The following NPFFR1 variants were observed in gnomAD, a reference collection of about 807,000 sequenced individuals.
NPFFR1 encodes neuropeptide FF receptor 1, also known as G-protein coupled receptor 147.
NPFFR1 carries 17 observed loss-of-function variants against 12.7 expected under a neutral mutation model. The ratio of observed to expected loss-of-function variants is 1.34; its 90% CI spans 0.92 to 2.01. NPFFR1 has a LOEUF of 2.01. NPFFR1 is among the 30% of genes most tolerant of loss of function. NPFFR1 has a pLI of 0.00. For missense variants in NPFFR1, 604 were observed against 606.5 expected, an observed-to-expected ratio of 1.00 and a Z score of 0.04; for synonymous variants, 296 against 264.5, an observed-to-expected ratio of 1.12 and a Z score of -1.16.
chr10:70,277,658 C>T (rs1358663230), intron 1 of NPFFR1, among the ~76,000 whole-genome samples: 1 of 152,200 alleles, frequency 6.6e-6, no homozygotes, highest in East Asian at 1.9e-4. Flanking sequence ...GTATATCCTC[C>T]CAGCCTTTGG....
chr10:70,272,214 A>AAGAGAGAG (rs879583314), intron 1 of NPFFR1, among the ~76,000 whole-genome samples: 1 of 9,122 alleles, frequency 1.1e-4, no homozygotes, highest in Non-Finnish European at 1.9e-4. Flanking sequence ...AAAGAAAGGA[A>AAGAGAGAG]AGAAAGAAAG....
chr10:70,260,549 C>T (rs1438759325), intron 3 of NPFFR1, 91 bp downstream of exon 3: 39 of 1,160,088 alleles, frequency 3.4e-5, no homozygotes, highest in Non-Finnish European at 4.7e-5. Context: ...GCAGCCCCAG[C>T]CTTCCAGCCA....
intron 1 of NPFFR1, among the ~76,000 whole-genome samples, chr10:70,282,255 A>C (rs1339835945): frequency 6.6e-6 from 1 of 152,074 alleles, no homozygotes; most frequent in Non-Finnish European, 1.5e-5. Context: ...TTTGAAGTAA[A>C]ATTGCCTGTA....
In NPFFR1 at chr10:70,252,004, G is replaced by T. The variant is rs2085079301; in HGVS notation, c.*2953C>A. ...TTGTCAGCCATAAAGGGTAAGTTGGGAGAGACCCTGGTTCCCAACCTGGGG... is the reference window on the plus strand; with the variant it reads ...TTGTCAGCCATAAAGGGTAAGTTGGTAGAGACCCTGGTTCCCAACCTGGGG... On this transcript the variant is annotated 3_prime_UTR_variant, in exon 4 of 4. Coordinates refer to ENST00000277942, the MANE Select transcript of NPFFR1 (RefSeq NM_022146.5). 2 of 152,158 alleles carry T rather than the reference G, an allele frequency of 1.3e-5. No individual in the cohort carries two copies. The highest frequency in any genetic ancestry group is 6.5e-5 in the Admixed American group (1 of 15,274). 9.4% of individuals were successfully genotyped at this position (152,158 alleles called of 1,614,324 possible).
Position 70,255,369 on chromosome 10 carries a change from T to C in NPFFR1, c.881A>G (p.Asp294Gly), listed in dbSNP as rs1218113633. The C allele has an allele frequency of 1.3e-6, 2 of 1,555,174 alleles. No homozygotes were observed. Among genetic ancestry groups the C allele is most frequent in the Admixed American group, 1.9e-5 (1 of 51,934 alleles). ...CTGCGGCGCGCTGAGCTGCCCGTAG[T>C]CGATGAGCAGCAGCAGCGCCCAGAG... is the stretch of plus-strand genomic sequence containing the variant. Reference protein sequence around the residue: ...LPLWALLLLIDYGQLSAPQLH... With the variant: ...LPLWALLLLIGYGQLSAPQLH... The change falls in exon 4 of 4, where the codon GAC (aspartate) becomes GGC (glycine). Residue 294 changes from aspartate to glycine, a missense_variant. Physicochemically the swap from Asp to Gly is moderately conservative, Grantham distance 94. Coordinates refer to ENST00000277942, the MANE Select transcript of NPFFR1 (RefSeq NM_022146.5). The surrounding 1 kb of genome is among the most constrained non-coding windows in gnomAD (Gnocchi z 4.2).
chr10:70,263,334 C>T (rs1479038922), intron 2 of NPFFR1, among the ~76,000 whole-genome samples: 2 of 152,146 alleles, frequency 1.3e-5, no homozygotes, highest in Non-Finnish European at 1.5e-5. Flanking sequence ...AGTGCAGTGG[C>T]GTGATCTCGC....
intron 1 of NPFFR1, among the ~76,000 whole-genome samples, chr10:70,272,675 A>T (rs1004447809): frequency 6.6e-6 from 1 of 152,240 alleles, no homozygotes; most frequent in Non-Finnish European, 1.5e-5. Flanking sequence ...GAATTATTCA[A>T]TAAGGGCCAG....
chr10:70,280,863 A>G (rs1366563071), intron 1 of NPFFR1, among the ~76,000 whole-genome samples: 1 of 152,242 alleles, frequency 6.6e-6, no homozygotes, highest in East Asian at 1.9e-4. Flanking sequence ...TTAGCCAGGC[A>G]TGATGGCACA....
intron 1 of NPFFR1, among the ~76,000 whole-genome samples, chr10:70,270,966 C>A (rs1840738952): frequency 6.6e-6 from 1 of 152,174 alleles, no homozygotes; most frequent in Admixed American, 6.5e-5. Flanking sequence ...ACCTGGAACT[C>A]ATTGGAAACA....
intron 1 of NPFFR1, among the ~76,000 whole-genome samples, chr10:70,274,633 A>G (rs1840782791): frequency 6.6e-6 from 1 of 152,206 alleles, no homozygotes; most frequent in Admixed American, 6.5e-5. Context: ...GGTATTCCAA[A>G]GAGAACTGGG....
Position 70,252,310 on chromosome 10 carries a change from A to G in NPFFR1, c.*2647T>C, listed in dbSNP as rs1437803815. 1 of 152,246 alleles carries G rather than the reference A, an allele frequency of 6.6e-6. No individual in the cohort carries two copies. Among genetic ancestry groups the G allele is most frequent in the Non-Finnish European group, 1.5e-5 (1 of 68,046 alleles). The allele number at this position is 152,246 out of a possible 1,614,324, so 9.4% of individuals were successfully genotyped here. On this transcript the variant is annotated 3_prime_UTR_variant, in exon 4 of 4. Coordinates refer to ENST00000277942, the MANE Select transcript of NPFFR1 (RefSeq NM_022146.5). ...TAGTATTGTATGATTCCTCTTGTAT[A>G]GAAGTACCTAGAGTGGCCAAATTCA...
chr10:70,277,780 C>A (rs1205480455), intron 1 of NPFFR1, among the ~76,000 whole-genome samples: 13 of 152,168 alleles, frequency 8.5e-5, no homozygotes, highest in Non-Finnish European at 1.5e-5. Flanking sequence ...GGCTGGGGAG[C>A]AGATCTGATT....
chr10:70,269,825 A>C (rs1318534502), intron 1 of NPFFR1, among the ~76,000 whole-genome samples: 1 of 151,918 alleles, frequency 6.6e-6, no homozygotes, highest in East Asian at 1.9e-4. Context: ...CCTCCAAAAC[A>C]CTTCATGGTC....
At chr10:70,283,563 G>T in intron 1 of NPFFR1, 107 bp downstream of exon 1, 1 of 1,105,070 alleles carries the variant, frequency 9.0e-7, no homozygotes, top group Non-Finnish European at 1.3e-6. Flanking sequence ...GTCTGGCTCT[G>T]GACAGCCATG....
At chr10:70,270,690 G>GAGGC (rs1314164943) in intron 1 of NPFFR1, among the ~76,000 whole-genome samples, 1 of 152,148 alleles carries the variant, frequency 6.6e-6, no homozygotes, top group Non-Finnish European at 1.5e-5. Flanking sequence ...CACTGGACTG[G>GAGGC]AGGCAGGCAG....
At chr10:70,272,429 A>G (rs1840760251) in intron 1 of NPFFR1, among the ~76,000 whole-genome samples, 1 of 152,184 alleles carries the variant, frequency 6.6e-6, no homozygotes, top group Non-Finnish European at 1.5e-5. Flanking sequence ...GCTGCCAGTG[A>G]ACCCAGGCCT....
At chr10:70,281,256 G>T (rs1334727971) in intron 1 of NPFFR1, among the ~76,000 whole-genome samples, 1 of 152,160 alleles carries the variant, frequency 6.6e-6, no homozygotes, top group Admixed American at 6.5e-5. Context: ...CTGCAGGAGT[G>T]GGGCAATACC....
Position 70,248,485 on chromosome 10 carries a change from G to GTTTTTTTTTTTTTTTT in NPFFR1, c.*6456_*6471dup, listed in dbSNP as rs869052329. On this transcript the variant is annotated 3_prime_UTR_variant, in exon 4 of 4. Transcript: ENST00000277942. ...GCCTGGCGTTTTTTTTTTGTTTTTT[G>GTTTTTTTTTTTTTTTT]TTTTTTTTTTTTTTTTTTGAGATGG... 2.2e-5 allele frequency: 2 copies of GTTTTTTTTTTTTTTTT among 91,338 alleles called. No homozygotes were observed. Among genetic ancestry groups the GTTTTTTTTTTTTTTTT allele is most frequent in the Non-Finnish European group, 4.3e-5 (2 of 46,996 alleles). The allele number at this position is 91,338 out of a possible 1,614,324, so 5.7% of individuals were successfully genotyped here.
chr10:70,261,576 C>T (rs1247528771), intron 2 of NPFFR1, among the ~76,000 whole-genome samples: 1 of 152,184 alleles, frequency 6.6e-6, no homozygotes, highest in Non-Finnish European at 1.5e-5. Flanking sequence ...CCAGTGATTT[C>T]TTTCCATGAG....
Sources: gnomAD v4.1 joint callset for allele counts (sites outside exome capture counted in the v4.1 genomes callset) on GRCh38, gnomAD v4.1.1 for gene constraint, Gnocchi (gnomAD v3.1) non-coding constraint, MANE v1.5 for transcripts, NCBI Gene and HGNC (gene_info 2026-07-23, HGNC 2026-07-21) for gene names.